PSPH: variants seen among roughly 807,000 people sequenced by gnomAD.
The protein encoded by PSPH is L-3-phosphoserine phosphatase.
A neutral mutation model predicts 23.4 loss-of-function variants in PSPH; 16 were observed. The observed-to-expected ratio is 0.68, with a 90% CI of 0.46 to 1.04. The LOEUF (loss-of-function observed/expected upper bound fraction) is 1.04, where lower values mean the gene tolerates loss of function less well. Among genes scored for constraint, PSPH ranks in the 50% least tolerant of loss-of-function variants. The pLI, the probability that PSPH is intolerant of heterozygous loss-of-function variation, is 0.00. For missense variants in PSPH, 223 were observed against 273.7 expected (o/e 0.81, Z 1.31); for synonymous variants, 68 against 99.7 (o/e 0.68, Z 1.89).
intron 3 of PSPH, among the ~76,000 whole-genome samples, chr7:56,023,128 G>A (rs1789696874): frequency 6.6e-6 from 1 of 152,022 alleles, no homozygotes; most frequent in Non-Finnish European, 1.5e-5. Context: ...AGAGTGCTAA[G>A]GACAGAGCCT....
chr7:56,014,899 C>T lies in PSPH; in HGVS notation c.570+124G>A, dbSNP rs147494187. ...CGGATATTGCAGTAAGCTGAGATCA[C>T]GCCACTGCACTCCAACCTGGGCAAC... On this transcript the variant is annotated intron_variant, in intron 7 of 7. Transcript: ENST00000275605. 4.1e-4 allele frequency: 421 copies of T among 1,022,252 alleles called. 2 individuals carry two copies. In the African/African-American group the frequency reaches 4.8e-3, roughly 12 times the overall value. 63.3% of individuals were successfully genotyped at this position (1,022,252 alleles called of 1,614,324 possible).
intron 3 of PSPH, among the ~76,000 whole-genome samples, chr7:56,027,348 T>C (rs983471866): frequency 2.8e-4 from 42 of 152,032 alleles, no homozygotes; most frequent in African/African-American, 9.7e-4. Flanking sequence ...CAAAGAGGAA[T>C]GCATAATGCA....
chr7:56,019,925 A>T (rs1450790254), intron 4 of PSPH, 191 bp from the exon 5 acceptor site: 1 of 738,528 alleles, frequency 1.4e-6, no homozygotes, highest in Non-Finnish European at 2.3e-6. Context: ...CTTGAAAATA[A>T]CATTAACAGG....
chr7:56,048,281 A>T (rs1793517163), intron 1 of PSPH, among the ~76,000 whole-genome samples: 1 of 102,028 alleles, frequency 9.8e-6, no homozygotes, highest in Non-Finnish European at 2.4e-5. Context: ...CTCTGTCTTT[A>T]AAAAATTTGA....
chr7:56,023,430 TA>T lies in PSPH; in HGVS notation c.-19-2200del, dbSNP rs376776010. Among the ~76,000 whole-genome samples the T allele has an allele frequency of 2.7e-3, 413 of 152,070 alleles. 7 individuals are homozygous for T. The South Asian group carries it at 0.038, about 14-fold the overall frequency. On this transcript the variant is annotated intron_variant, in intron 3 of 7. Coordinates refer to ENST00000275605, the MANE Select transcript of PSPH (RefSeq NM_004577.4). ...CGCACCACTATGCTTGGCTAATTTA[TA>T]AATTTTTTTTTGAAGAGATGGGGGT... is the stretch of plus-strand genomic sequence containing the variant.
chr7:56,046,514 G>A (rs1315876912), intron 1 of PSPH, among the ~76,000 whole-genome samples: 3 of 152,030 alleles, frequency 2.0e-5, no homozygotes, highest in Non-Finnish European at 4.4e-5. Context: ...GGCTTTGCAC[G>A]GTGGCTTACA....
intron 4 of PSPH, 90 bp from the exon 5 acceptor site, chr7:56,019,824 CA>C: frequency 2.6e-6 from 4 of 1,551,566 alleles, no homozygotes; most frequent in Non-Finnish European, 3.5e-6. Flanking sequence ...CGACATCCAC[CA>C]AAAGGAAGAT....
chr7:56,033,231 C>G (rs929527377), intron 2 of PSPH: 1 of 151,936 alleles, frequency 6.6e-6, no homozygotes, highest in Non-Finnish European at 1.5e-5. Context: ...AGTGGTCATG[C>G]CTGTAATCCC....
At chr7:56,032,614 C>T (rs1252947580) in intron 2 of PSPH, among the ~76,000 whole-genome samples, 1 of 140,728 alleles carries the variant, frequency 7.1e-6, no homozygotes, top group Non-Finnish European at 1.5e-5. Flanking sequence ...GAGCTGAGAT[C>T]GTGCCACTGC....
chr7:56,050,981 T>C (rs1252151174), intron 1 of PSPH, among the ~76,000 whole-genome samples, 157 bp downstream of exon 1: 2 of 152,130 alleles, frequency 1.3e-5, no homozygotes, highest in Non-Finnish European at 2.9e-5. Context: ...GAGTATCACT[T>C]GAGCTCAGGA....
At chr7:56,018,335 T>C (rs560955182) in intron 5 of PSPH, among the ~76,000 whole-genome samples, 1 of 150,722 alleles carries the variant, frequency 6.6e-6, no homozygotes, top group South Asian at 2.1e-4. Context: ...AGTGCGAGAC[T>C]CTGTCTCAAA....
In PSPH at chr7:56,033,956, C is replaced by G. The variant is rs1442024827; in HGVS notation, c.-146+5G>C. The G allele has an allele frequency of 6.6e-6, 1 of 152,278 alleles. No individual in the cohort carries two copies. The highest frequency in any genetic ancestry group is 1.5e-5 in the Non-Finnish European group (1 of 68,080). The allele number at this position is 152,278 out of a possible 1,614,324, so 9.4% of individuals were successfully genotyped here. A position where few individuals can be genotyped will look rare whatever the true frequency, so the allele number is the denominator to read the frequency against. The stretch of plus-strand genomic sequence containing the variant: ...GGCGCAGGGAAGGCACAAGCCGGGA[C>G]TTACCCTGTGTCCTGGGCCTCCGGG... On this transcript the variant is annotated splice_donor_5th_base_variant and intron_variant, in intron 2 of 7. Coordinates refer to ENST00000275605, the MANE Select transcript of PSPH (RefSeq NM_004577.4).
rs1368516726 is a variant in PSPH, at chr7:56,036,945, G to A, written c.-291-2839C>T. Among the ~76,000 whole-genome samples, 3 of 152,056 alleles carry A rather than the reference G, an allele frequency of 2.0e-5. No homozygotes were observed. The East Asian group carries it at 5.8e-4, about 29-fold the overall frequency. ...TCCCAGCACTTAGGGAGGCTGAGGC[G>A]GGAGGATCACCTGAGGTCAGGAGTT... is the stretch of plus-strand genomic sequence containing the variant. On this transcript the variant is annotated intron_variant, in intron 1 of 7. Transcript: ENST00000275605.
chr7:56,037,655 T>C (rs1432274486), intron 1 of PSPH, among the ~76,000 whole-genome samples: 1 of 152,130 alleles, frequency 6.6e-6, no homozygotes, highest in Non-Finnish European at 1.5e-5. Context: ...GTGATCCACT[T>C]TACCCAGCTC....
chr7:56,017,491 G>T, intron 5 of PSPH, 112 bp from the exon 6 acceptor site: 1 of 1,526,926 alleles, frequency 6.5e-7, no homozygotes, highest in Admixed American at 2.3e-5. Flanking sequence ...GAATGCATTT[G>T]CCTGAGGTAT....
Position 56,019,734 on chromosome 7 carries a change from C to T in PSPH, c.141G>A (p.Met47Ile). 2 of 1,613,000 alleles carry T rather than the reference C, an allele frequency of 1.2e-6. No homozygotes were observed. The highest frequency in any genetic ancestry group is 1.7e-6 in the Non-Finnish European group (2 of 1,179,832). ...ICGVEDAVSE[M>I]TRRAMGGAVP... ...CTGCCCCGCCCATGGCTCGCCGTGTCCTAGGAGGGAGACCCAACAGTCAGG... is the reference window on the plus strand; with the variant it reads ...CTGCCCCGCCCATGGCTCGCCGTGTTCTAGGAGGGAGACCCAACAGTCAGG... The change falls in exon 5 of 8, where the codon ATG becomes ATA. Residue 47 changes from methionine (M) to isoleucine (I), a missense_variant and splice_region_variant. Coordinates refer to ENST00000275605, the MANE Select transcript of PSPH (RefSeq NM_004577.4).
intron 1 of PSPH, among the ~76,000 whole-genome samples, chr7:56,048,438 C>T (rs1252040514): frequency 6.6e-6 from 1 of 152,010 alleles, no homozygotes; most frequent in Admixed American, 6.6e-5. Context: ...AACATGACAA[C>T]TAAATGTGAA....
At chr7:56,028,920 G>A (rs1285476473) in intron 3 of PSPH, among the ~76,000 whole-genome samples, 2 of 151,998 alleles carry the variant, frequency 1.3e-5, no homozygotes, top group African/African-American at 4.8e-5. Context: ...CCAGGTTCAA[G>A]CGATTCTCCT....
chr7:56,030,405 T>C (rs1351952969), intron 3 of PSPH, among the ~76,000 whole-genome samples: 1 of 151,136 alleles, frequency 6.6e-6, no homozygotes, highest in Non-Finnish European at 1.5e-5. Flanking sequence ...TCCCAAGGTG[T>C]GAGCCACCAT....
Sources: allele counts gnomAD v4.1 joint callset (sites outside exome capture counted in the v4.1 genomes callset), GRCh38; gene constraint gnomAD v4.1.1; transcripts MANE v1.5; gene names NCBI Gene and HGNC (gene_info 2026-07-23, HGNC 2026-07-21).